Variants in AKAP1 observed in about 807,000 individuals in gnomAD.
AKAP1 encodes A-kinase anchor protein 1, mitochondrial.
In AKAP1, 32 loss-of-function variants were observed where a neutral mutation model predicts 79.8. The ratio of observed to expected loss-of-function variants is 0.40; its 90% CI spans 0.30 to 0.54. The LOEUF (loss-of-function observed/expected upper bound fraction) is 0.54. Among genes scored for constraint, AKAP1 ranks in the 20% least tolerant of loss-of-function variants. The pLI is 0.47. For synonymous variants in AKAP1, 416 were observed against 466.7 expected (o/e 0.89, Z 1.40); for missense variants, 961 against 1,138.9 (o/e 0.84, Z 2.25).
chr17:57,114,362 T>TA, intron 5 of AKAP1, 97 bp from the exon 6 acceptor site: 1 of 1,458,906 alleles, frequency 6.9e-7, no homozygotes, highest in Non-Finnish European at 9.3e-7. Flanking sequence ...TTTTCAAAGA[T>TA]ATGCTAGCCC....
intron 1 of AKAP1, among the ~76,000 whole-genome samples, chr17:57,103,977 C>T (rs1351425916): frequency 6.6e-6 from 1 of 151,956 alleles, no homozygotes; most frequent in African/African-American, 2.4e-5. Flanking sequence ...TTCTAGGTTC[C>T]TTCTGCTCGA....
At chr17:57,118,635 C>T (rs1466074905) in intron 9 of AKAP1, among the ~76,000 whole-genome samples, 181 bp downstream of exon 9, 2 of 152,168 alleles carry the variant, frequency 1.3e-5, no homozygotes, top group African/African-American at 4.8e-5. Flanking sequence ...ATACCTGGGA[C>T]TGAATAATCT....
rs554113661 is a variant in AKAP1, at chr17:57,120,713, G to T, written c.*389G>T. 5.7e-4 allele frequency: 95 copies of T among 166,992 alleles called. No homozygotes were observed. Among genetic ancestry groups the T allele is most frequent in the African/African-American group, 2.2e-3 (91 of 42,000 alleles). The allele number at this position is 166,992 out of a possible 1,614,324, so 10.3% of individuals were successfully genotyped here. The stretch of plus-strand genomic sequence containing the variant: ...GACAGGCCAGGGATGTATGTTGCTT[G>T]CTTGAGAGGGTTTCTTTTACTTCAA... On this transcript the variant is annotated 3_prime_UTR_variant, in exon 11 of 11. Transcript: ENST00000337714.
Position 57,106,822 on chromosome 17 carries a change from AT to A in AKAP1, c.1359del (p.Asn453LysfsTer15). 6.2e-7 allele frequency: 1 copy of A among 1,614,144 alleles called. No individual in the cohort carries two copies. ...LSSPTKDSKP[N>X]ISAHHISLAS... ...AGCCCCACCAAGGACAGTAAGCCAA[AT>A]ATCTCTGCACACCACATCTCCCTGG... On this transcript the variant is annotated frameshift_variant, in exon 2 of 11. Transcript: ENST00000337714. LOFTEE classifies it high-confidence loss of function.
intron 1 of AKAP1, among the ~76,000 whole-genome samples, chr17:57,087,228 A>G (rs1913515199): frequency 6.6e-6 from 1 of 152,202 alleles, no homozygotes; most frequent in Non-Finnish European, 1.5e-5. Context: ...CTTGCAGGTA[A>G]CAGATCCTAG....
At chr17:57,103,365 TC>T (rs1914648598) in intron 1 of AKAP1, among the ~76,000 whole-genome samples, 1 of 152,172 alleles carries the variant, frequency 6.6e-6, no homozygotes, top group Admixed American at 6.5e-5. Flanking sequence ...TCCTTCTCAA[TC>T]CCCTAGGGAT....
chr17:57,092,294 C>T (rs903004829), intron 1 of AKAP1: 8 of 152,218 alleles, frequency 5.3e-5, no homozygotes, highest in African/African-American at 1.9e-4. Flanking sequence ...CTAACTCCAG[C>T]CCATCTAACT....
At chr17:57,113,266 C>G (rs1396412837) in intron 5 of AKAP1, among the ~76,000 whole-genome samples, 1 of 152,230 alleles carries the variant, frequency 6.6e-6, no homozygotes, top group African/African-American at 2.4e-5. Flanking sequence ...GCCTCTGGCC[C>G]TGGTTGGGTC....
intron 9 of AKAP1, 23 bp downstream of exon 9, chr17:57,118,477 G>A (rs749492862): frequency 6.2e-7 from 1 of 1,612,994 alleles, no homozygotes; most frequent in Non-Finnish European, 8.5e-7. Flanking sequence ...CAGGGGTGGG[G>A]GAGGCAGGCT....
chr17:57,087,143 A>G (rs911061806), intron 1 of AKAP1, among the ~76,000 whole-genome samples: 12 of 152,230 alleles, frequency 7.9e-5, no homozygotes, highest in Admixed American at 5.9e-4. Flanking sequence ...CAGGCATGCA[A>G]ATCACTAAAG....
intron 1 of AKAP1, among the ~76,000 whole-genome samples, chr17:57,098,187 T>C (rs1479503618): frequency 6.6e-6 from 1 of 152,246 alleles, no homozygotes; most frequent in Non-Finnish European, 1.5e-5. Flanking sequence ...TAACTTCAGC[T>C]CTGTGTGACC....
intron 5 of AKAP1, among the ~76,000 whole-genome samples, chr17:57,112,949 A>T (rs1034229228): frequency 6.6e-6 from 1 of 152,304 alleles, no homozygotes; most frequent in East Asian, 1.9e-4. Context: ...GGGTGTGTCC[A>T]GGGTCGCCGT....
rs2230769 is a variant in AKAP1, at chr17:57,118,430, G to A, written c.2550G>A (p.Thr850=). The A allele has an allele frequency of 6.4e-4, 1,033 of 1,614,028 alleles. 7 individuals are homozygous for A. In the African/African-American group the frequency reaches 0.012, roughly 19 times the overall value. Residue 850 remains threonine, a synonymous_variant, in exon 9 of 11, where the codon ACG becomes ACA. Transcript: ENST00000337714. ...CAGATGCCGCCATGAGCGAGATGACGGGGAATACAGCACTGCTTGCTCAGG... is the reference window on the plus strand; with the variant it reads ...CAGATGCCGCCATGAGCGAGATGACAGGGAATACAGCACTGCTTGCTCAGG... ...PEADAAMSEM[T]GNTALLAQVT...
At position 57,113,402 on chromosome 17, in the gene AKAP1, G is replaced by GT. The variant is rs568877736; in HGVS notation, c.2103+791dup. ...TTGTCCTCCTTCGTGTTTTTTTTTT[G>GT]TTTTTTTGTTTTTTTATGGATGGTA... On this transcript the variant is annotated intron_variant, in intron 5 of 10. Transcript: ENST00000337714. 7.5e-3 allele frequency among the ~76,000 whole-genome samples: 1,129 copies of GT among 149,978 alleles called. 11 individuals are homozygous for GT. The highest frequency in any genetic ancestry group is 0.023 in the African/African-American group (930 of 40,762).
intron 1 of AKAP1, chr17:57,093,723 T>C (rs955079730): frequency 1.3e-5 from 2 of 152,230 alleles, no homozygotes; most frequent in African/African-American, 4.8e-5. Flanking sequence ...GATTTGGCTT[T>C]TGACTGTGTA....
intron 7 of AKAP1, 82 bp downstream of exon 7, chr17:57,116,343 AG>A (rs1359964571): frequency 4.5e-6 from 7 of 1,563,060 alleles, no homozygotes; most frequent in Non-Finnish European, 6.1e-6. Context: ...CAGTTGTGCC[AG>A]GGCTTGGGTG....
intron 1 of AKAP1, chr17:57,095,736 C>G (rs537706501): frequency 3.3e-4 from 50 of 152,156 alleles, no homozygotes; most frequent in African/African-American, 1.2e-3. Context: ...TGCTGCACAC[C>G]AACATCTTTT....
intron 3 of AKAP1, among the ~76,000 whole-genome samples, chr17:57,111,237 A>G (rs1915227770): frequency 6.6e-6 from 1 of 152,186 alleles, no homozygotes; most frequent in South Asian, 2.1e-4. Context: ...ACTCTGGCGC[A>G]CTGGGCACTT....
chr17:57,093,531 A>C (rs1317021973), intron 1 of AKAP1: 2 of 152,224 alleles, frequency 1.3e-5, no homozygotes, highest in Non-Finnish European at 2.9e-5. Context: ...TCTCTGAAGC[A>C]AAATTGGCAT....
Sources: allele counts gnomAD v4.1 joint callset (sites outside exome capture counted in the v4.1 genomes callset), GRCh38; gene constraint gnomAD v4.1.1; transcripts MANE v1.5; gene names NCBI Gene and HGNC (gene_info 2026-07-23, HGNC 2026-07-21).